The following FAXC variants were observed in gnomAD, a reference collection of about 807,000 sequenced individuals.
The protein encoded by FAXC is failed axon connections homolog.
Under a neutral mutation model 41.9 loss-of-function variants are expected in FAXC, and 10 were observed. The observed-to-expected ratio is 0.24, with a 90% CI of 0.15 to 0.41. FAXC has a LOEUF of 0.41. Ranked by LOEUF, FAXC falls within the 10% of genes least tolerant of loss-of-function variation. FAXC has a pLI of 1.00. For synonymous variants in FAXC, 183 were observed against 183.8 expected (o/e 1.00, Z 0.03); for missense variants, 399 against 510.9 (o/e 0.78, Z 2.11).
In FAXC at chr6:99,275,011, T is replaced by C. The variant is rs368842377; in HGVS notation, c.*6153A>G. The stretch of plus-strand genomic sequence containing the variant: ...TCTGTTTAGCCACCATTAACTAACA[T>C]GGCAATTCAGAAGTTGGATCTTATT... On this transcript the variant is annotated 3_prime_UTR_variant, in exon 6 of 6. Coordinates refer to ENST00000389677, the MANE Select transcript of FAXC (RefSeq NM_032511.4). The C allele has an allele frequency of 2.0e-5, 3 of 152,284 alleles. No homozygotes were observed. Among genetic ancestry groups the C allele is most frequent in the East Asian group, 3.9e-4 (2 of 5,188 alleles). 9.4% of individuals were successfully genotyped at this position (152,284 alleles called of 1,614,324 possible).
In FAXC at chr6:99,271,779, A is replaced by T. The variant is rs1226891842; in HGVS notation, c.*9385T>A. ...TGGGAAGGGAGGGTTAGAATTTTGA[A>T]TGTTACCTGATTGTAATTTGCTCTA... is the stretch of plus-strand genomic sequence containing the variant. On this transcript the variant is annotated 3_prime_UTR_variant, in exon 6 of 6. Coordinates refer to ENST00000389677, the MANE Select transcript of FAXC (RefSeq NM_032511.4). 6.6e-6 allele frequency: 1 copy of T among 152,180 alleles called. No individual in the cohort carries two copies. The highest frequency in any genetic ancestry group is 2.4e-5 in the African/African-American group (1 of 41,442). 9.4% of individuals were successfully genotyped at this position (152,180 alleles called of 1,614,324 possible).
At chr6:99,303,977 G>A (rs1771815707) in intron 4 of FAXC, among the ~76,000 whole-genome samples, 1 of 152,160 alleles carries the variant, frequency 6.6e-6, no homozygotes, top group Admixed American at 6.6e-5. Context: ...TTTTACAAAA[G>A]TTTATATTCA....
chr6:99,291,421 T>C lies in FAXC; in HGVS notation c.940+283A>G, dbSNP rs57852478. ...GCAACAAATCTTAAGTCCCACTATG[T>C]AAGCAGATGGAAGAAAAGCGCTAGC... On this transcript the variant is annotated intron_variant, in intron 5 of 5. Coordinates refer to ENST00000389677, the MANE Select transcript of FAXC (RefSeq NM_032511.4). Among the ~76,000 whole-genome samples the C allele has an allele frequency of 1.6e-3, 245 of 152,314 alleles. 3 individuals carry two copies. In the East Asian group the frequency reaches 0.043, roughly 27 times the overall value.
chr6:99,277,526 G>A lies in FAXC; in HGVS notation c.*3638C>T, dbSNP rs181615833. The A allele has an allele frequency of 1.3e-5, 2 of 152,320 alleles. No individual in the cohort carries two copies. Among genetic ancestry groups the A allele is most frequent in the Admixed American group, 6.5e-5 (1 of 15,296 alleles). 9.4% of individuals were successfully genotyped at this position (152,320 alleles called of 1,614,324 possible). A position where few individuals can be genotyped will look rare whatever the true frequency, so the allele number is the denominator to read the frequency against. On this transcript the variant is annotated 3_prime_UTR_variant, in exon 6 of 6. Transcript: ENST00000389677. The stretch of plus-strand genomic sequence containing the variant: ...ACATAAGGAAGTATGAGGAGTCTTG[G>A]TGATTTGGGAATCCATCTTGCTATT...
At chr6:99,301,650 G>A (rs1723248421) in intron 4 of FAXC, among the ~76,000 whole-genome samples, 1 of 152,188 alleles carries the variant, frequency 6.6e-6, no homozygotes, top group South Asian at 2.1e-4. Flanking sequence ...CAGCCAAGAT[G>A]AGAATCCTCC....
chr6:99,343,127 C>A lies in FAXC; in HGVS notation c.267-94G>T, dbSNP rs542567560. 1.2e-5 allele frequency: 14 copies of A among 1,123,672 alleles called. No individual in the cohort carries two copies. The East Asian group carries it at 3.3e-4, about 26-fold the overall frequency. The allele number at this position is 1,123,672 out of a possible 1,614,324, so 69.6% of individuals were successfully genotyped here. A position where few individuals can be genotyped will look rare whatever the true frequency, so the allele number is the denominator to read the frequency against. ...AGAGGACCCTGCAGGGTTGTAGCTCCTCAATGAACAAGCAGATCTGTTTGT... is the reference window on the plus strand; with the variant it reads ...AGAGGACCCTGCAGGGTTGTAGCTCATCAATGAACAAGCAGATCTGTTTGT... On this transcript the variant is annotated intron_variant, in intron 1 of 5. Transcript: ENST00000389677.
At chr6:99,348,756 AG>A (rs1773684570) in intron 1 of FAXC, among the ~76,000 whole-genome samples, 1 of 152,244 alleles carries the variant, frequency 6.6e-6, no homozygotes, top group Admixed American at 6.5e-5. Flanking sequence ...CTTATAAACA[AG>A]GCATTTCATA....
Position 99,333,560 on chromosome 6 carries a change from C to T in FAXC, c.403-13G>A, listed in dbSNP as rs373521741. On this transcript the variant is annotated splice_polypyrimidine_tract_variant and intron_variant, in intron 2 of 5. Transcript: ENST00000389677. ...CACCAAAATAGTTCTAAGCAGAGTA[C>T]ATTTTTAAAAAGAGAAAAGCAATAT... 2.5e-6 allele frequency: 4 copies of T among 1,571,676 alleles called. No homozygotes were observed. The highest frequency in any genetic ancestry group is 2.4e-5 in the South Asian group (2 of 84,382).
In FAXC at chr6:99,271,244, G is replaced by GT. The variant is rs1353665194; in HGVS notation, c.*9919_*9920insA. The GT allele has an allele frequency of 1.3e-5, 2 of 152,210 alleles. No individual in the cohort carries two copies. The highest frequency in any genetic ancestry group is 2.9e-5 in the Non-Finnish European group (2 of 68,058). 9.4% of individuals were successfully genotyped at this position (152,210 alleles called of 1,614,324 possible). On this transcript the variant is annotated 3_prime_UTR_variant, in exon 6 of 6. Coordinates refer to ENST00000389677, the MANE Select transcript of FAXC (RefSeq NM_032511.4). ...GGTAAATGACCCTCTTCCCTCTGATGAGTCCTGAAAGCTAGGACAGCAAAG... is the reference window on the plus strand; with the variant it reads ...GGTAAATGACCCTCTTCCCTCTGATGTAGTCCTGAAAGCTAGGACAGCAAAG...
At chr6:99,341,190 G>A (rs1201169838) in intron 2 of FAXC, among the ~76,000 whole-genome samples, 1 of 122,094 alleles carries the variant, frequency 8.2e-6, no homozygotes, top group Non-Finnish European at 1.8e-5. Flanking sequence ...TTTTAAATGA[G>A]AAAAAATATC....
At chr6:99,325,076 A>G (rs1164455158) in intron 3 of FAXC, among the ~76,000 whole-genome samples, 2 of 149,586 alleles carry the variant, frequency 1.3e-5, no homozygotes, top group East Asian at 2.0e-4. Flanking sequence ...AAAGTGTCAG[A>G]GCCAGAATGC....
intron 2 of FAXC, among the ~76,000 whole-genome samples, chr6:99,336,785 A>C (rs1773232497): frequency 6.6e-6 from 1 of 152,274 alleles, no homozygotes; most frequent in South Asian, 2.1e-4. Flanking sequence ...AAATGAGAAG[A>C]TGTGCAGTGC....
intron 4 of FAXC, among the ~76,000 whole-genome samples, chr6:99,302,328 T>G (rs980799193): frequency 6.6e-6 from 1 of 152,178 alleles, no homozygotes; most frequent in African/African-American, 2.4e-5. Flanking sequence ...GAATGTTGGG[T>G]CATCCCAATG....
chr6:99,332,280 A>G (rs1234952617), intron 3 of FAXC, among the ~76,000 whole-genome samples: 1 of 152,232 alleles, frequency 6.6e-6, no homozygotes, highest in Non-Finnish European at 1.5e-5. Flanking sequence ...TCTCCAGTCA[A>G]GCCCATATTG....
intron 4 of FAXC, among the ~76,000 whole-genome samples, chr6:99,305,406 C>G (rs1404617143): frequency 1.3e-5 from 2 of 152,154 alleles, no homozygotes; most frequent in East Asian, 3.9e-4. Context: ...TACTGAGCAT[C>G]TGGCTCTACA....
intron 4 of FAXC, among the ~76,000 whole-genome samples, chr6:99,304,051 C>T (rs1045144377): frequency 1.1e-4 from 17 of 152,042 alleles, no homozygotes; most frequent in Admixed American, 1.0e-3. Flanking sequence ...GGAGCTGAGG[C>T]GGGTGGATCA....
chr6:99,344,940 A>C (rs1773541801), intron 1 of FAXC, among the ~76,000 whole-genome samples: 1 of 152,218 alleles, frequency 6.6e-6, no homozygotes, highest in South Asian at 2.1e-4. Flanking sequence ...TATGCTAATG[A>C]CTTTATATAT....
intron 4 of FAXC, among the ~76,000 whole-genome samples, chr6:99,301,033 C>T (rs1263507379): frequency 6.6e-6 from 1 of 152,224 alleles, no homozygotes; most frequent in Non-Finnish European, 1.5e-5. Context: ...TTCACCTTAG[C>T]TGGAATCCAG....
At position 99,333,536 on chromosome 6, in the gene FAXC, A is replaced by C. The variant is rs753273764; in HGVS notation, c.414T>G (p.Gly138=). The part of the protein sequence containing the change: ...MADLPYQNYF[G]GKLSAQGKMP... The stretch of plus-strand genomic sequence containing the variant: ...TTTTCCCTTGAGCAGAGAGTTTTCC[A>C]CCAAAATAGTTCTAAGCAGAGTACA... The change falls in exon 3 of 6, where the codon GGT becomes GGG. Residue 138 remains glycine, a synonymous_variant. Transcript: ENST00000389677. 4.4e-6 allele frequency: 7 copies of C among 1,609,010 alleles called. No individual in the cohort carries two copies. Among genetic ancestry groups the C allele is most frequent in the Non-Finnish European group, 5.9e-6 (7 of 1,178,486 alleles).
Sources: gnomAD v4.1 joint callset for allele counts (sites outside exome capture counted in the v4.1 genomes callset) on GRCh38, gnomAD v4.1.1 for gene constraint, MANE v1.5 for transcripts, NCBI Gene and HGNC (gene_info 2026-07-23, HGNC 2026-07-21) for gene names.